DCUN1D3: variants seen among roughly 807,000 people sequenced by gnomAD.
The protein encoded by DCUN1D3 is DCN1-like protein 3.
Under a neutral mutation model 24.8 loss-of-function variants are expected in DCUN1D3, and 6 were observed. The ratio of observed to expected loss-of-function variants is 0.24; its 90% CI spans 0.13 to 0.48. The LOEUF (loss-of-function observed/expected upper bound fraction) is 0.48, where lower values mean the gene tolerates loss of function less well. Among genes scored for constraint, DCUN1D3 ranks in the 20% least tolerant of loss-of-function variants. The pLI is 0.99. For missense variants in DCUN1D3, 258 were observed against 379.4 expected (o/e 0.68, Z 2.66); for synonymous variants, 120 against 144.9 (o/e 0.83, Z 1.24).
At chr16:20,896,933 C>T (rs549798106) in intron 1 of DCUN1D3, among the ~76,000 whole-genome samples, 1 of 152,226 alleles carries the variant, frequency 6.6e-6, no homozygotes, top group East Asian at 1.9e-4. Context: ...ACCTCGTCCC[C>T]TTCATTGCCC....
rs185280903 is a variant in DCUN1D3 at position 20,889,912 on chromosome 16, C to A, written c.-106+10292G>T. Among the ~76,000 whole-genome samples the A allele has an allele frequency of 1.3e-3, 193 of 152,204 alleles. 1 individual carries two copies. The highest frequency in any genetic ancestry group is 2.3e-3 in the Non-Finnish European group (158 of 68,010). On this transcript the variant is annotated intron_variant, in intron 1 of 2. Transcript: ENST00000324344. ...TGAGCTTTGGGGAGGGGAGGGCTGG[C>A]TAGAGACAGAGTTCAATCACCAATG...
chr16:20,880,154 T>C (rs1311580836), intron 1 of DCUN1D3, among the ~76,000 whole-genome samples: 1 of 152,156 alleles, frequency 6.6e-6, no homozygotes, highest in Non-Finnish European at 1.5e-5. Flanking sequence ...GCATTACACA[T>C]TATTTATTCC....
Position 20,860,905 on chromosome 16 carries a change from T to G in DCUN1D3, c.432-536A>C, listed in dbSNP as rs2081729012. On this transcript the variant is annotated intron_variant, in intron 2 of 2. Transcript: ENST00000324344. This position sits in a 1 kb window ranked among gnomAD's most constrained non-coding sequence, Gnocchi z 4.3. ...AAAAACAAAAATTATGTATGTATTT[T>G]TAACATCTATACAACCCTTTCAGCT... 6.6e-6 allele frequency among the ~76,000 whole-genome samples: 1 copy of G among 152,240 alleles called. No individual in the cohort carries two copies. Among genetic ancestry groups the G allele is most frequent in the Non-Finnish European group, 1.5e-5 (1 of 68,044 alleles).
intron 1 of DCUN1D3, among the ~76,000 whole-genome samples, chr16:20,873,896 T>A (rs2081801723): frequency 6.6e-6 from 1 of 152,012 alleles, no homozygotes. Flanking sequence ...TCAGCTCAAA[T>A]GCATGTAGAA....
rs189098002 is a variant in DCUN1D3, at chr16:20,880,164, C to T, written c.-105-17521G>A. ...TAAATGCATTACACATTATTTATTC[C>T]CTTGGGACAAAAACATTCATGGCTC... On this transcript the variant is annotated intron_variant, in intron 1 of 2. Coordinates refer to ENST00000324344, the MANE Select transcript of DCUN1D3 (RefSeq NM_173475.4). Among the ~76,000 whole-genome samples, 292 of 152,032 alleles carry T rather than the reference C, an allele frequency of 1.9e-3. 3 individuals are homozygous for T. Among genetic ancestry groups the T allele is most frequent in the Middle Eastern group, 6.8e-3 (2 of 294 alleles).
At chr16:20,883,273 G>C (rs995547157) in intron 1 of DCUN1D3, among the ~76,000 whole-genome samples, 1 of 152,194 alleles carries the variant, frequency 6.6e-6, no homozygotes, top group African/African-American at 2.4e-5. Flanking sequence ...AGCACTTTGG[G>C]AGGCCGAGGC....
chr16:20,883,806 C>T (rs759285597), intron 1 of DCUN1D3, among the ~76,000 whole-genome samples: 11 of 152,170 alleles, frequency 7.2e-5, no homozygotes, highest in Non-Finnish European at 2.9e-5. Flanking sequence ...GGCCAATCAA[C>T]GATTGAGAGC....
rs2081707784 is a variant in DCUN1D3 at position 20,857,463 on chromosome 16, CTT to C, written c.*2421_*2422del. On this transcript the variant is annotated 3_prime_UTR_variant, in exon 3 of 3. Transcript: ENST00000324344. Reference sequence around the variant, plus strand: ...ACTCAGGGTCCTGGGCTGCCTGCCTCTTTTGTGCAGCTTTCTCTGATACACTC... The same window carrying C: ...ACTCAGGGTCCTGGGCTGCCTGCCTCTTGTGCAGCTTTCTCTGATACACTC... The C allele has an allele frequency of 6.6e-6, 1 of 152,300 alleles. No individual in the cohort carries two copies. The highest frequency in any genetic ancestry group is 1.5e-5 in the Non-Finnish European group (1 of 68,096). 9.4% of individuals were successfully genotyped at this position (152,300 alleles called of 1,614,324 possible).
chr16:20,876,946 G>A (rs1037076272), intron 1 of DCUN1D3, among the ~76,000 whole-genome samples: 5 of 152,164 alleles, frequency 3.3e-5, no homozygotes, highest in African/African-American at 9.7e-5. Context: ...GTTACCAGAG[G>A]CAGGGAAGGG....
chr16:20,855,642 GA>G lies in DCUN1D3; in HGVS notation c.*4243del, dbSNP rs779020577. 5 of 152,102 alleles carry G rather than the reference GA, an allele frequency of 3.3e-5. No homozygotes were observed. Among genetic ancestry groups the G allele is most frequent in the Non-Finnish European group, 7.4e-5 (5 of 68,016 alleles). 9.4% of individuals were successfully genotyped at this position (152,102 alleles called of 1,614,324 possible). A position where few individuals can be genotyped will look rare whatever the true frequency, so the allele number is the denominator to read the frequency against. On this transcript the variant is annotated 3_prime_UTR_variant, in exon 3 of 3. Coordinates refer to ENST00000324344, the MANE Select transcript of DCUN1D3 (RefSeq NM_173475.4). Reference sequence around the variant, plus strand: ...TGCTCAAGAATCTATTTCATCTTTCGAAAAGGGGGAAAACCCCTGCCGATCC... The same window carrying G: ...TGCTCAAGAATCTATTTCATCTTTCGAAAGGGGGAAAACCCCTGCCGATCC...
intron 1 of DCUN1D3, among the ~76,000 whole-genome samples, chr16:20,864,607 G>T (rs2081751388): frequency 6.6e-6 from 1 of 152,114 alleles, no homozygotes; most frequent in South Asian, 2.1e-4. Flanking sequence ...GCTAAAAGCA[G>T]AACTACATTC....
At chr16:20,865,160 A>G (rs75076691) in intron 1 of DCUN1D3, among the ~76,000 whole-genome samples, 2 of 152,116 alleles carry the variant, frequency 1.3e-5, no homozygotes, top group African/African-American at 2.4e-5. Context: ...AAAAAAAAAA[A>G]GTTACCAAAA....
At chr16:20,898,602 G>A (rs1206091618) in intron 1 of DCUN1D3, among the ~76,000 whole-genome samples, 1 of 152,156 alleles carries the variant, frequency 6.6e-6, no homozygotes, top group Admixed American at 6.5e-5. Context: ...GCTGTTACTG[G>A]TATAATCAAG....
At chr16:20,870,007 C>A (rs1274279516) in intron 1 of DCUN1D3, among the ~76,000 whole-genome samples, 2 of 152,154 alleles carry the variant, frequency 1.3e-5, no homozygotes, top group Non-Finnish European at 2.9e-5. Flanking sequence ...TCCTGAGGAA[C>A]CAAGTCAATA....
At chr16:20,874,001 C>T (rs909568809) in intron 1 of DCUN1D3, among the ~76,000 whole-genome samples, 3 of 152,186 alleles carry the variant, frequency 2.0e-5, no homozygotes, top group African/African-American at 4.8e-5. Context: ...CCAACTGTTC[C>T]TAGAGTCAAG....
intron 1 of DCUN1D3, among the ~76,000 whole-genome samples, chr16:20,881,144 T>C (rs764458825): frequency 1.3e-5 from 2 of 152,218 alleles, no homozygotes; most frequent in Admixed American, 6.5e-5. Context: ...AATGCACACA[T>C]ATAAAGCCAT....
chr16:20,886,544 C>T (rs1821678913), intron 1 of DCUN1D3, among the ~76,000 whole-genome samples: 1 of 152,182 alleles, frequency 6.6e-6, no homozygotes, highest in South Asian at 2.1e-4. Flanking sequence ...ATCTGACCTT[C>T]CCAGAAACCA....
At chr16:20,891,927 AG>A (rs1310424337) in intron 1 of DCUN1D3, among the ~76,000 whole-genome samples, 1 of 152,004 alleles carries the variant, frequency 6.6e-6, no homozygotes. Context: ...CTCTGTCCCC[AG>A]TAAGTGCACT....
In DCUN1D3 at chr16:20,856,394, A is replaced by G. The variant is rs1032622001; in HGVS notation, c.*3492T>C. On this transcript the variant is annotated 3_prime_UTR_variant, in exon 3 of 3. Transcript: ENST00000324344. ...GGACTCCATTTTGGCACCAGCCCCT[A>G]GAGACCAGTACTGCTTCAAAGACTA... 1.3e-5 allele frequency: 2 copies of G among 152,200 alleles called. No individual in the cohort carries two copies. Among genetic ancestry groups the G allele is most frequent in the African/African-American group, 4.8e-5 (2 of 41,456 alleles). 9.4% of individuals were successfully genotyped at this position (152,200 alleles called of 1,614,324 possible). A position where few individuals can be genotyped will look rare whatever the true frequency, so the allele number is the denominator to read the frequency against.
Sources: gnomAD v4.1 joint callset for allele counts (sites outside exome capture counted in the v4.1 genomes callset) on GRCh38, gnomAD v4.1.1 for gene constraint, Gnocchi (gnomAD v3.1) non-coding constraint, MANE v1.5 for transcripts, NCBI Gene and HGNC (gene_info 2026-07-23, HGNC 2026-07-21) for gene names.